DST: variants seen among roughly 807,000 people sequenced by gnomAD.
The protein encoded by DST is bullous pemphigoid antigen.
Under a neutral mutation model 875.2 loss-of-function variants are expected in DST, and 253 were observed. The ratio of observed to expected loss-of-function variants is 0.29; its 90% CI spans 0.26 to 0.32. The LOEUF is 0.32. Among genes scored for constraint, DST ranks in the 10% least tolerant of loss-of-function variants. The probability of loss-of-function intolerance (pLI) is 1.00; values close to 1 mark genes in which losing one functional copy is unlikely to be tolerated. For missense variants in DST, 8,287 were observed against 9,111.6 expected, an observed-to-expected ratio of 0.91 and a Z score of 3.68; for synonymous variants, 3,124 against 3,197.1, an observed-to-expected ratio of 0.98 and a Z score of 0.77.
chr6:56,501,064 A>T lies in DST; in HGVS notation c.19896+16T>A, dbSNP rs755796578. ...TGGACAGAGAAGAAACATAACATGC[A>T]TTAACAGCTACGTACATGATGCTTG... On this transcript the variant is annotated intron_variant, in intron 80 of 103. Transcript: ENST00000680361. The T allele has an allele frequency of 1.2e-6, 2 of 1,610,016 alleles. No homozygotes were observed. The highest frequency in any genetic ancestry group is 1.7e-5 in the Admixed American group (1 of 59,368).
In DST at chr6:56,720,755, T is replaced by C. The variant is rs528051821; in HGVS notation, c.687+14473A>G. Among the ~76,000 whole-genome samples the C allele has an allele frequency of 3.3e-5, 5 of 152,316 alleles. No homozygotes were observed. In the South Asian group the frequency reaches 1.0e-3, roughly 32 times the overall value. On this transcript the variant is annotated intron_variant, in intron 5 of 103. Transcript: ENST00000680361. Reference sequence around the variant, plus strand: ...ATGGAGGCTCCTATGTCTACTACTTTCCACACAGACACAGTAACAATGTGA... The same window carrying C: ...ATGGAGGCTCCTATGTCTACTACTTCCCACACAGACACAGTAACAATGTGA...
chr6:56,662,123 C>A (rs1260240215), intron 10 of DST, among the ~76,000 whole-genome samples: 1 of 152,106 alleles, frequency 6.6e-6, no homozygotes, highest in African/African-American at 2.4e-5. Context: ...GGGGCTTAGA[C>A]CTGCTAAAAG....
Position 56,482,704 on chromosome 6 carries a change from C to A in DST, c.21381G>T (p.Arg7127=), listed in dbSNP as rs2095440890. 6.2e-7 allele frequency: 1 copy of A among 1,613,680 alleles called. No homozygotes were observed. The highest frequency in any genetic ancestry group is 8.5e-7 in the Non-Finnish European group (1 of 1,179,712). The change falls in exon 89 of 104, where the codon CGG becomes CGT. Residue 7127 remains arginine, a synonymous_variant. Transcript: ENST00000680361. ...TTACCTGACGCAGGGCTGCTTCTAA[C>A]CGTGTTTGCTTTGATATAGAAAGTG... ...VCALSISKQT[R]LEAALRQAEE...
chr6:56,669,978 G>C (rs2099091841), intron 10 of DST, among the ~76,000 whole-genome samples: 1 of 152,184 alleles, frequency 6.6e-6, no homozygotes, highest in Non-Finnish European at 1.5e-5. Context: ...AATTAGACTA[G>C]GAGATATGAA....
At chr6:56,520,757 AAACC>A (rs2096681372) in intron 69 of DST, among the ~76,000 whole-genome samples, 1 of 152,080 alleles carries the variant, frequency 6.6e-6, no homozygotes, top group East Asian at 1.9e-4. Context: ...AAAAGAAAGA[AAACC>A]AACTCTGTGG....
chr6:56,940,743 CT>C (rs1012161114), intron 2 of DST, among the ~76,000 whole-genome samples: 18 of 147,498 alleles, frequency 1.2e-4, no homozygotes, highest in South Asian at 2.2e-4. Context: ...CCGTGCCTGG[CT>C]TTTTTTTTTC....
At position 56,535,242 on chromosome 6, in the gene DST, C is replaced by G. The variant is rs772968442; in HGVS notation, c.16821G>C (p.Arg5607Ser). 8 of 1,612,278 alleles carry G rather than the reference C, an allele frequency of 5.0e-6. No individual in the cohort carries two copies. Among genetic ancestry groups the G allele is most frequent in the Non-Finnish European group, 6.8e-6 (8 of 1,179,308 alleles). Residue 5607 changes from arginine to serine, a missense_variant, in exon 63 of 104, where the codon AGG (arginine) becomes AGC (serine). By Grantham distance (110) the Arg-to-Ser change is moderately radical. This residue lies in a region of DST where 777 missense variants were observed against 764.8 expected (regional missense o/e 1.02). Coordinates refer to ENST00000680361, the MANE Select transcript of DST (RefSeq NM_001374736.1). ...QLQEALLHCG[R>S]FQDALESLLS... ...GCAGGGACTCCAGGGCATCCTGGAA[C>G]CTCCCACAGTGCAGCAAGGCCTCCT...
At position 56,532,424 on chromosome 6, in the gene DST, G is replaced by A. The variant is rs376195050; in HGVS notation, c.17028C>T (p.Pro5676=). The A allele has an allele frequency of 4.3e-6, 7 of 1,613,156 alleles. No homozygotes were observed. The highest frequency in any genetic ancestry group is 4.0e-5 in the African/African-American group (3 of 74,862). Residue 5676 remains proline (P), a synonymous_variant, in exon 64 of 104, where the codon CCC becomes CCT. Coordinates refer to ENST00000680361, the MANE Select transcript of DST (RefSeq NM_001374736.1). The part of the protein sequence containing the change: ...EGEKIATTAE[P]ADKVKILKQL... ...GTTTCAAAATCTTCACTTTATCTGCGGGCTCTGCTGTTGTAGCAATTTTTT... is the reference window on the plus strand; with the variant it reads ...GTTTCAAAATCTTCACTTTATCTGCAGGCTCTGCTGTTGTAGCAATTTTTT...
rs774959192 is a variant in DST, at chr6:56,935,174, T to C, written c.216+18611A>G. Among the ~76,000 whole-genome samples, 53 of 152,278 alleles carry C rather than the reference T, an allele frequency of 3.5e-4. No homozygotes were observed. The Middle Eastern group carries it at 0.02, about 59-fold the overall frequency. ...TAATATAGCAGTAGCCAGCCAAAAT[T>C]TCCCAATTTTATCTCCCACCCAGAA... On this transcript the variant is annotated intron_variant, in intron 2 of 103. Transcript: ENST00000680361.
intron 10 of DST, among the ~76,000 whole-genome samples, chr6:56,658,193 G>A (rs1338477248): frequency 2.6e-5 from 4 of 152,110 alleles, no homozygotes; most frequent in Admixed American, 2.6e-4. Context: ...CCAGCCTCCC[G>A]AGTAGCTAGG....
chr6:56,843,420 A>C, intron 4 of DST: 2 of 1,071,938 alleles, frequency 1.9e-6, no homozygotes, highest in Non-Finnish European at 1.1e-6. Context: ...GCAGCGGCAA[A>C]TCTCAGCGAG....
intron 10 of DST, among the ~76,000 whole-genome samples, chr6:56,662,644 T>C (rs2099050357): frequency 6.6e-6 from 1 of 152,070 alleles, no homozygotes; most frequent in African/African-American, 2.4e-5. Context: ...ATCACATCTA[T>C]AAAGATCTTT....
rs1339084522 is a variant in DST at position 56,526,451 on chromosome 6, T to C, written c.18039A>G (p.Val6013=). The C allele has an allele frequency of 1.2e-5, 20 of 1,613,784 alleles. No homozygotes were observed. The highest frequency in any genetic ancestry group is 2.7e-5 in the African/African-American group (2 of 74,928). The change falls in exon 69 of 104, where the codon GTA becomes GTG. Residue 6013 remains valine (V), a synonymous_variant. Transcript: ENST00000680361. ...WRAREGLEKM[V]AEDNERYRLV... ...ATCGGTAGCGCTCATTGTCCTCAGC[T>C]ACCATTTTCTCAAGTCCTTCTCTTG... is the stretch of plus-strand genomic sequence containing the variant.
chr6:56,861,355 C>T (rs1771052914), intron 3 of DST, among the ~76,000 whole-genome samples: 1 of 152,202 alleles, frequency 6.6e-6, no homozygotes, highest in Non-Finnish European at 1.5e-5. Flanking sequence ...CCAATCGGAA[C>T]CAGGGATCAG....
intron 47 of DST, among the ~76,000 whole-genome samples, chr6:56,596,141 G>T (rs979743795): frequency 2.0e-5 from 3 of 151,988 alleles, no homozygotes; most frequent in African/African-American, 7.3e-5. Flanking sequence ...CGATTCTCCT[G>T]CCTCAGTCTC....
At chr6:56,821,427 A>G (rs950615034) in intron 4 of DST, among the ~76,000 whole-genome samples, 15 of 152,358 alleles carry the variant, frequency 9.8e-5, no homozygotes, top group African/African-American at 3.4e-4. Flanking sequence ...GTAGAAGTAT[A>G]CTGCATATGT....
chr6:56,859,875 G>T (rs760440770), intron 3 of DST, among the ~76,000 whole-genome samples: 1 of 152,036 alleles, frequency 6.6e-6, no homozygotes, highest in African/African-American at 2.4e-5. Flanking sequence ...AGTTGATAAG[G>T]AGAGAGAGGC....
intron 2 of DST, among the ~76,000 whole-genome samples, chr6:56,947,647 G>A (rs985705728): frequency 1.1e-4 from 16 of 152,176 alleles, no homozygotes; most frequent in Admixed American, 4.6e-4. Context: ...TAGTATACAC[G>A]AATCATTTTT....
chr6:56,756,049 G>A (rs1011841193), intron 4 of DST, among the ~76,000 whole-genome samples: 1 of 152,198 alleles, frequency 6.6e-6, no homozygotes, highest in South Asian at 2.1e-4. Context: ...GGAGAAAGAC[G>A]ACGGAGTCAA....
Sources: gnomAD v4.1 joint callset for allele counts (sites outside exome capture counted in the v4.1 genomes callset) on GRCh38, gnomAD v4.1.1 for gene constraint, gnomAD v4.1.1 regional missense constraint, MANE v1.5 for transcripts, NCBI Gene and HGNC (gene_info 2026-07-23, HGNC 2026-07-21) for gene names.